Variants in SLC39A11 observed in about 807,000 individuals in gnomAD.
The protein encoded by SLC39A11 is solute carrier family 39 member 11.
A neutral mutation model predicts 36.1 loss-of-function variants in SLC39A11; 33 were observed. The ratio of observed to expected loss-of-function variants is 0.91; its 90% CI spans 0.69 to 1.22. The LOEUF is 1.22. Ranked by LOEUF, SLC39A11 falls within the 50% of genes most tolerant of loss-of-function variation. The pLI is 0.00. For synonymous variants in SLC39A11, 166 were observed against 170.3 expected (o/e 0.97, Z 0.20); for missense variants, 432 against 430.3 (o/e 1.00, Z -0.03).
At chr17:73,026,534 A>AAAAAAAAAG (rs761535316) in intron 4 of SLC39A11, among the ~76,000 whole-genome samples, 1 of 148,224 alleles carries the variant, frequency 6.7e-6, no homozygotes, top group Non-Finnish European at 1.5e-5. Context: ...AAAAAAAAAA[A>AAAAAAAAAG]GAAAGAAAGA....
intron 4 of SLC39A11, among the ~76,000 whole-genome samples, chr17:73,017,901 G>C (rs999516926): frequency 5.3e-5 from 8 of 152,104 alleles, no homozygotes; most frequent in African/African-American, 1.9e-4. Flanking sequence ...AATGCTATGA[G>C]GCCTGGAAAA....
At chr17:72,888,505 AAT>A (rs1473392884) in intron 5 of SLC39A11, among the ~76,000 whole-genome samples, 1 of 152,192 alleles carries the variant, frequency 6.6e-6, no homozygotes, top group Non-Finnish European at 1.5e-5. Flanking sequence ...CCCTGACCTA[AAT>A]AGAGACGCTT....
intron 5 of SLC39A11, among the ~76,000 whole-genome samples, chr17:72,854,522 C>T (rs961894380): frequency 2.0e-5 from 3 of 151,994 alleles, no homozygotes; most frequent in Admixed American, 2.0e-4. Flanking sequence ...TATGTGTTAA[C>T]CCATTAGACC....
At chr17:73,003,018 C>T (rs566926902) in intron 4 of SLC39A11, among the ~76,000 whole-genome samples, 5 of 152,290 alleles carry the variant, frequency 3.3e-5, no homozygotes, top group Admixed American at 6.5e-5. Context: ...TTAACTTAAT[C>T]GCATCTGTAA....
At chr17:72,760,303 C>T (rs979147958) in intron 6 of SLC39A11, among the ~76,000 whole-genome samples, 2 of 152,252 alleles carry the variant, frequency 1.3e-5, no homozygotes, top group East Asian at 3.8e-4. Context: ...GCTGGGACTA[C>T]AGGCGTGAGC....
At chr17:72,972,477 G>T (rs1031382789) in intron 4 of SLC39A11, among the ~76,000 whole-genome samples, 1 of 152,106 alleles carries the variant, frequency 6.6e-6, no homozygotes, top group Non-Finnish European at 1.5e-5. Context: ...CAGAAAAGAG[G>T]CTGTCTGCTT....
intron 5 of SLC39A11, among the ~76,000 whole-genome samples, chr17:72,911,923 C>T (rs955304042): frequency 1.3e-5 from 2 of 152,144 alleles, no homozygotes; most frequent in South Asian, 2.1e-4. Flanking sequence ...GGATTACAGG[C>T]GTGAGCCACT....
intron 7 of SLC39A11, among the ~76,000 whole-genome samples, chr17:72,717,413 C>T (rs955015042): frequency 1.3e-5 from 2 of 152,088 alleles, no homozygotes; most frequent in Non-Finnish European, 1.5e-5. Context: ...GGGCTATGCT[C>T]CCCCTGAAGG....
At position 73,065,907 on chromosome 17, in the gene SLC39A11, A is replaced by T. The variant is rs367641796; in HGVS notation, c.147+18901T>A. On this transcript the variant is annotated intron_variant, in intron 3 of 9. Coordinates refer to ENST00000255559, the MANE Select transcript of SLC39A11 (RefSeq NM_139177.4). ...AGGGAGGCTCAGAGGCAGGACGGAG[A>T]AAACAAGACAAAGGGGAAGCCCAGT... Among the ~76,000 whole-genome samples, 161 of 152,324 alleles carry T rather than the reference A, an allele frequency of 1.1e-3. 5 individuals are homozygous for T. In the South Asian group the frequency reaches 0.028, roughly 27 times the overall value.
intron 5 of SLC39A11, among the ~76,000 whole-genome samples, chr17:72,899,966 AAG>A (rs1194421171): frequency 3.5e-5 from 5 of 140,952 alleles, no homozygotes; most frequent in Non-Finnish European, 4.8e-5. Context: ...TGAAAAAAGA[AAG>A]AGAGAGAGAG....
intron 5 of SLC39A11, among the ~76,000 whole-genome samples, chr17:72,943,158 A>G (rs2085220870): frequency 6.6e-6 from 1 of 152,228 alleles, no homozygotes; most frequent in Non-Finnish European, 1.5e-5. Flanking sequence ...ACTGAACTCC[A>G]TCGTGTTCCC....
In SLC39A11 at chr17:72,967,399, AGT is replaced by A. The variant is rs1555655753; in HGVS notation, c.307-19526_307-19525del. Among the ~76,000 whole-genome samples, 494 of 138,234 alleles carry A rather than the reference AGT, an allele frequency of 3.6e-3. 15 individuals are homozygous for A. Among genetic ancestry groups the A allele is most frequent in the East Asian group, 3.7e-3 (16 of 4,342 alleles). 90.7% of individuals were successfully genotyped at this position (138,234 alleles called of 152,430 possible). A position where few individuals can be genotyped will look rare whatever the true frequency, so the allele number is the denominator to read the frequency against. On this transcript the variant is annotated intron_variant, in intron 4 of 9. Transcript: ENST00000255559. ...GAGAGAGAGAGAGAGAGAGAGAGAG[AGT>A]GTGTGTGTGTGTGTGTTTTCCTTTT... is the stretch of plus-strand genomic sequence containing the variant.
intron 7 of SLC39A11, among the ~76,000 whole-genome samples, chr17:72,675,322 A>G (rs2071207633): frequency 6.6e-6 from 1 of 152,196 alleles, no homozygotes; most frequent in African/African-American, 2.4e-5. Context: ...CACAGCAGGG[A>G]AACACCATCT....
intron 6 of SLC39A11, among the ~76,000 whole-genome samples, chr17:72,749,920 C>T (rs572866141): frequency 6.6e-6 from 1 of 152,288 alleles, no homozygotes; most frequent in Non-Finnish European, 1.5e-5. Context: ...AATTCAGCCA[C>T]ACATCCCTCC....
intron 6 of SLC39A11, among the ~76,000 whole-genome samples, chr17:72,765,395 T>C (rs567641989): frequency 1.3e-5 from 2 of 152,332 alleles, no homozygotes; most frequent in East Asian, 3.9e-4. Flanking sequence ...TGAAAAATCC[T>C]AGCCTCCAAA....
intron 5 of SLC39A11, among the ~76,000 whole-genome samples, chr17:72,857,630 C>G (rs900090606): frequency 6.6e-6 from 1 of 152,202 alleles, no homozygotes; most frequent in Non-Finnish European, 1.5e-5. Flanking sequence ...CTTTTCTCTG[C>G]AACCTCATCA....
intron 6 of SLC39A11, among the ~76,000 whole-genome samples, chr17:72,808,769 C>T (rs898736615): frequency 3.9e-5 from 6 of 152,080 alleles, no homozygotes; most frequent in African/African-American, 1.4e-4. Flanking sequence ...TCTGTGATTC[C>T]TAAGCAATCC....
rs916817423 is a variant in SLC39A11 at position 72,935,739 on chromosome 17, T to C, written c.430+12013A>G. 4.6e-5 allele frequency among the ~76,000 whole-genome samples: 7 copies of C among 152,124 alleles called. No individual in the cohort carries two copies. In the South Asian group the frequency reaches 8.3e-4, roughly 18 times the overall value. Reference sequence around the variant, plus strand: ...CTGGGATTACAGGCACGCGCCACCATGCCCAGCTAATTTTTTTTGTATTTT... The same window carrying C: ...CTGGGATTACAGGCACGCGCCACCACGCCCAGCTAATTTTTTTTGTATTTT... On this transcript the variant is annotated intron_variant, in intron 5 of 9. Transcript: ENST00000255559.
At chr17:72,742,004 T>C (rs926490865) in intron 6 of SLC39A11, among the ~76,000 whole-genome samples, 4 of 151,990 alleles carry the variant, frequency 2.6e-5, no homozygotes, top group Non-Finnish European at 4.4e-5. Context: ...GAGCTCAAGA[T>C]TAGCCTGGCC....
Sources: allele counts gnomAD v4.1 joint callset (sites outside exome capture counted in the v4.1 genomes callset), GRCh38; gene constraint gnomAD v4.1.1; transcripts MANE v1.5; gene names NCBI Gene and HGNC (gene_info 2026-07-23, HGNC 2026-07-21).